Variants in KDM4C observed in about 807,000 individuals in gnomAD.
KDM4C encodes the protein lysine-specific demethylase 4C.
A neutral mutation model predicts 129.3 loss-of-function variants in KDM4C; 81 were observed. The observed-to-expected ratio is 0.63, with a 90% CI of 0.52 to 0.75. The LOEUF (loss-of-function observed/expected upper bound fraction) is 0.75, where lower values mean the gene tolerates loss of function less well. KDM4C is among the 30% of genes least tolerant of loss of function. KDM4C has a pLI of 0.00. For synonymous variants in KDM4C, 573 were observed against 456.1 expected, an observed-to-expected ratio of 1.26 and a Z score of -3.26; for missense variants, 1,457 against 1,304.0, an observed-to-expected ratio of 1.12 and a Z score of -1.81.
At chr9:6,851,940 A>C (rs1838922432) in intron 5 of KDM4C, among the ~76,000 whole-genome samples, 1 of 152,224 alleles carries the variant, frequency 6.6e-6, no homozygotes, top group African/African-American at 2.4e-5. Flanking sequence ...TTAGTTATTA[A>C]GTATACAGCC....
At chr9:6,966,274 C>T (rs1246322941) in intron 8 of KDM4C, among the ~76,000 whole-genome samples, 1 of 152,112 alleles carries the variant, frequency 6.6e-6, no homozygotes. Context: ...GCTCCGCCTT[C>T]CAGGTTCACG....
chr9:6,860,256 C>T (rs1020534618), intron 5 of KDM4C, among the ~76,000 whole-genome samples: 1 of 152,124 alleles, frequency 6.6e-6, no homozygotes, highest in Admixed American at 6.6e-5. Flanking sequence ...GTTTGTTTGC[C>T]ACCTAAGGTT....
chr9:7,135,818 G>C (rs184544290), intron 19 of KDM4C, among the ~76,000 whole-genome samples: 37 of 152,312 alleles, frequency 2.4e-4, no homozygotes, highest in Non-Finnish European at 5.0e-4. Context: ...AGGTGCTCTG[G>C]AGTTTTGGGC....
intron 1 of KDM4C, among the ~76,000 whole-genome samples, chr9:6,790,559 G>T (rs1226797214): frequency 7.0e-6 from 1 of 141,992 alleles, no homozygotes; most frequent in East Asian, 2.1e-4. Context: ...GGCCAGCCCT[G>T]CTCTGTTTTA....
At chr9:6,805,178 T>C (rs916551162) in intron 2 of KDM4C, among the ~76,000 whole-genome samples, 1 of 152,160 alleles carries the variant, frequency 6.6e-6, no homozygotes, top group African/African-American at 2.4e-5. Flanking sequence ...GAATTACAGG[T>C]GTGTGCCACT....
intron 8 of KDM4C, among the ~76,000 whole-genome samples, chr9:6,976,880 G>A (rs765827618): frequency 1.3e-5 from 2 of 152,014 alleles, no homozygotes; most frequent in Admixed American, 6.6e-5. Flanking sequence ...ACTGTAAAGG[G>A]CAGTATTTTA....
chr9:6,877,943 A>G (rs188099480), intron 5 of KDM4C, among the ~76,000 whole-genome samples: 2 of 152,362 alleles, frequency 1.3e-5, no homozygotes, highest in Admixed American at 1.3e-4. Context: ...GAAACATTAC[A>G]TAGCTTTGTC....
At chr9:6,731,578 C>T (rs1817337038) in intron 1 of KDM4C, among the ~76,000 whole-genome samples, 1 of 151,972 alleles carries the variant, frequency 6.6e-6, no homozygotes, top group Non-Finnish European at 1.5e-5. Flanking sequence ...GTGATCCGCC[C>T]ACCTCGGCCT....
intron 5 of KDM4C, among the ~76,000 whole-genome samples, chr9:6,858,645 C>T (rs560612176): frequency 1.6e-4 from 25 of 151,952 alleles, no homozygotes; most frequent in East Asian, 3.9e-4. Context: ...TGGTGACGTG[C>T]GCCTGTAATC....
chr9:7,022,614 TCCA>T (rs545539338), intron 15 of KDM4C, among the ~76,000 whole-genome samples: 226 of 150,886 alleles, frequency 1.5e-3, no homozygotes, highest in African/African-American at 5.4e-3. Flanking sequence ...ATTCTTCCTT[TCCA>T]ATTTGCAAAC....
chr9:6,750,528 A>G (rs1156545386), intron 1 of KDM4C, among the ~76,000 whole-genome samples: 2 of 152,212 alleles, frequency 1.3e-5, no homozygotes, highest in Non-Finnish European at 2.9e-5. Context: ...GAAATAGCCA[A>G]AACACCAAGT....
At chr9:6,878,534 A>G (rs1357284690) in intron 5 of KDM4C, among the ~76,000 whole-genome samples, 1 of 152,230 alleles carries the variant, frequency 6.6e-6, no homozygotes, top group Non-Finnish European at 1.5e-5. Context: ...ACTGAGGATC[A>G]GAGTAGGAGT....
intron 8 of KDM4C, among the ~76,000 whole-genome samples, chr9:6,960,834 G>A (rs1270997467): frequency 6.9e-6 from 1 of 143,908 alleles, no homozygotes; most frequent in Non-Finnish European, 1.5e-5. Flanking sequence ...ATGCCTTCAG[G>A]CATTCTCAAA....
At chr9:7,103,394 C>G (rs1036075697) in intron 17 of KDM4C, among the ~76,000 whole-genome samples, 3 of 152,188 alleles carry the variant, frequency 2.0e-5, no homozygotes, top group African/African-American at 7.2e-5. Context: ...TTTTCCCGAG[C>G]TCTGTGCCTG....
At chr9:6,974,791 A>G (rs1832658088) in intron 8 of KDM4C, 2 of 152,208 alleles carry the variant, frequency 1.3e-5, no homozygotes, top group South Asian at 2.1e-4. Flanking sequence ...AAACTGTGAC[A>G]TGGAGTGCAT....
chr9:6,915,597 T>G (rs1016329501), intron 8 of KDM4C, among the ~76,000 whole-genome samples: 1 of 152,216 alleles, frequency 6.6e-6, no homozygotes, highest in African/African-American at 2.4e-5. Flanking sequence ...TTAAGAGAGA[T>G]AACAAAAATA....
chr9:7,048,359 T>G (rs1398690590), intron 16 of KDM4C, among the ~76,000 whole-genome samples: 1 of 152,102 alleles, frequency 6.6e-6, no homozygotes, highest in Non-Finnish European at 1.5e-5. Context: ...GTAAATATGC[T>G]TTGGCTTAAA....
chr9:7,115,692 A>T (rs1160514110), intron 18 of KDM4C, among the ~76,000 whole-genome samples: 1 of 152,250 alleles, frequency 6.6e-6, no homozygotes, highest in African/African-American at 2.4e-5. Context: ...TTCTAACTAA[A>T]AGGCTACTCT....
intron 14 of KDM4C, among the ~76,000 whole-genome samples, chr9:7,014,915 A>AACACACAC (rs55864882): frequency 0.022 from 3,158 of 146,232 alleles, 52 homozygotes; most frequent in African/African-American, 0.044. Flanking sequence ...GGCAATTTGT[A>AACACACAC]ACACACACAC....
Sources: gnomAD v4.1 joint callset for allele counts (sites outside exome capture counted in the v4.1 genomes callset) on GRCh38, gnomAD v4.1.1 for gene constraint, MANE v1.5 for transcripts, NCBI Gene and HGNC (gene_info 2026-07-23, HGNC 2026-07-21) for gene names.